Variants in SEL1L3 observed in about 807,000 individuals in gnomAD.
SEL1L3 encodes SEL1L family member 3.
SEL1L3 carries 76 observed loss-of-function variants against 142.8 expected under a neutral mutation model. The ratio of observed to expected loss-of-function variants is 0.53; its 90% CI spans 0.44 to 0.64. SEL1L3 has a LOEUF of 0.64. Among genes scored for constraint, SEL1L3 ranks in the 30% least tolerant of loss-of-function variants. The pLI is 0.00. For missense variants in SEL1L3, 1,262 were observed against 1,381.7 expected, an observed-to-expected ratio of 0.91 and a Z score of 1.37; for synonymous variants, 504 against 519.6, an observed-to-expected ratio of 0.97 and a Z score of 0.41.
At chr4:25,791,121 CA>C (rs1193669857) in intron 11 of SEL1L3, among the ~76,000 whole-genome samples, 7 of 152,228 alleles carry the variant, frequency 4.6e-5, no homozygotes, top group Non-Finnish European at 1.0e-4. Context: ...AGATTATACA[CA>C]TGCAAAATCA....
chr4:25,760,974 G>A (rs145104365), intron 20 of SEL1L3, among the ~76,000 whole-genome samples: 6 of 152,252 alleles, frequency 3.9e-5, no homozygotes, highest in South Asian at 2.1e-4. Flanking sequence ...GAGCTGGAGC[G>A]TCAAACACAA....
intron 11 of SEL1L3, among the ~76,000 whole-genome samples, chr4:25,798,069 C>A (rs1165344703): frequency 1.3e-5 from 2 of 152,118 alleles, no homozygotes; most frequent in Admixed American, 6.5e-5. Context: ...AACAGCCAGG[C>A]CTGGCCAAAA....
chr4:25,753,610 C>T (rs1161731685), intron 23 of SEL1L3, among the ~76,000 whole-genome samples: 1 of 152,222 alleles, frequency 6.6e-6, no homozygotes, highest in Non-Finnish European at 1.5e-5. Context: ...GCAGCTTCTC[C>T]TCACCTCCTC....
intron 11 of SEL1L3, among the ~76,000 whole-genome samples, chr4:25,799,614 G>A (rs1035556867): frequency 1.4e-4 from 22 of 152,152 alleles, no homozygotes; most frequent in Middle Eastern, 3.2e-3. Context: ...AGGGGTGCAC[G>A]TGGGGAGGAG....
the SEL1L3 span, among the ~76,000 whole-genome samples, chr4:25,732,462 A>G: frequency 2.0e-5 from 3 of 152,206 alleles, no homozygotes; most frequent in Non-Finnish European, 4.4e-5. Flanking sequence ...CATTTCCACC[A>G]ACAGTAAATG....
In SEL1L3 at chr4:25,804,554, C is replaced by T. The variant is rs766523244; in HGVS notation, c.1763G>A (p.Arg588Gln). 9 of 1,610,320 alleles carry T rather than the reference C, an allele frequency of 5.6e-6. No individual in the cohort carries two copies. The highest frequency in any genetic ancestry group is 1.7e-5 in the Admixed American group (1 of 59,566). ...VFYETGLNVP[R>Q]DQLQGMLYSL... ...GAAATACTCTACCTGCAGCTGATCC[C>T]GAGGAACATTTAATCCAGTCTCATA... is the stretch of plus-strand genomic sequence containing the variant. Residue 588 changes from arginine (R) to glutamine (Q), a missense_variant, in exon 10 of 24, where the codon CGG (arginine) becomes CAG (glutamine). By Grantham distance (43) the Arg-to-Gln change is conservative (BLOSUM62 1). Transcript: ENST00000399878.
At chr4:25,756,175 T>G in intron 23 of SEL1L3, 1 of 985,444 alleles carries the variant, frequency 1.0e-6, no homozygotes, top group East Asian at 1.1e-4. Flanking sequence ...TGTCCAGTCC[T>G]AATCTACCCA....
chr4:25,863,171 G>C (rs927317302), upstream of SEL1L3, among the ~76,000 whole-genome samples: 7 of 138,004 alleles, frequency 5.1e-5, no homozygotes, highest in African/African-American at 1.6e-4. Context: ...CACCGACCCG[G>C]GTCCCGCCCC....
Position 25,782,922 on chromosome 4 carries a change from A to G in SEL1L3, c.2281-504T>C, listed in dbSNP as rs1234568436. Among the ~76,000 whole-genome samples, 3 of 152,174 alleles carry G rather than the reference A, an allele frequency of 2.0e-5. No homozygotes were observed. In the East Asian group the frequency reaches 5.8e-4, roughly 29 times the overall value. The stretch of plus-strand genomic sequence containing the variant: ...CACAGCACAGGTGCTCTCTCTTTGC[A>G]TGGTTCTGACAGTGGGTTCAGGGTC... On this transcript the variant is annotated intron_variant, in intron 14 of 23. Coordinates refer to ENST00000399878, the MANE Select transcript of SEL1L3 (RefSeq NM_015187.5).
Position 25,757,676 on chromosome 4 carries a change from C to T in SEL1L3, c.3186+12G>A. Reference sequence around the variant, plus strand: ...GGCCACAAGGGTGGGGCCGGTGGGACATGAAACCTACCAGGGCTGAGTGCA... The same window carrying T: ...GGCCACAAGGGTGGGGCCGGTGGGATATGAAACCTACCAGGGCTGAGTGCA... On this transcript the variant is annotated intron_variant, in intron 22 of 23. Coordinates refer to ENST00000399878, the MANE Select transcript of SEL1L3 (RefSeq NM_015187.5). 2 of 1,577,886 alleles carry T rather than the reference C, an allele frequency of 1.3e-6. No homozygotes were observed. Among genetic ancestry groups the T allele is most frequent in the Non-Finnish European group, 1.7e-6 (2 of 1,162,092 alleles).
chr4:25,720,820 G>C, the SEL1L3 span: 1 of 152,174 alleles, frequency 6.6e-6, no homozygotes, highest in Admixed American at 6.5e-5. Flanking sequence ...TGAAGTATCT[G>C]CTTTTGACTA....
chr4:25,724,761 A>AAAAAAAAAAAAAAAAAAAAAAAAAT, the SEL1L3 span, among the ~76,000 whole-genome samples: 1 of 77,100 alleles, frequency 1.3e-5, no homozygotes, highest in Non-Finnish European at 3.3e-5. Flanking sequence ...AAAAAAAAAA[A>AAAAAAAAAAAAAAAAAAAAAAAAAT]AAAAAAAAAA....
downstream of SEL1L3, among the ~76,000 whole-genome samples, chr4:25,746,659 C>T (rs1201757105): frequency 6.7e-6 from 1 of 150,000 alleles, no homozygotes; most frequent in African/African-American, 2.4e-5. Flanking sequence ...GCCTCAGTCT[C>T]TCTTGCTCCT....
chr4:25,764,885 G>A (rs1056881027), intron 20 of SEL1L3, among the ~76,000 whole-genome samples: 2 of 152,138 alleles, frequency 1.3e-5, no homozygotes, highest in African/African-American at 2.4e-5. Context: ...TTGTTTGAGG[G>A]GCATGTGAAA....
chr4:25,747,581 C>CACAA lies in SEL1L3; in HGVS notation c.*843_*844insTTGT, dbSNP rs1190181531. The CACAA allele has an allele frequency of 6.6e-6, 1 of 151,428 alleles. No homozygotes were observed. The highest frequency in any genetic ancestry group is 1.5e-5 in the Non-Finnish European group (1 of 67,816). The allele number at this position is 151,428 out of a possible 1,614,324, so 9.4% of individuals were successfully genotyped here. A position where few individuals can be genotyped will look rare whatever the true frequency, so the allele number is the denominator to read the frequency against. Reference sequence around the variant, plus strand: ...CTGCTCTTCCTCTTCCTCTCTAACACACACACACACACACACACACACATA... The same window carrying CACAA: ...CTGCTCTTCCTCTTCCTCTCTAACACACAAACACACACACACACACACACACATA... On this transcript the variant is annotated 3_prime_UTR_variant, in exon 24 of 24. Coordinates refer to ENST00000399878, the MANE Select transcript of SEL1L3 (RefSeq NM_015187.5).
the SEL1L3 span, among the ~76,000 whole-genome samples, chr4:25,729,279 A>G: frequency 6.6e-6 from 1 of 152,208 alleles, no homozygotes; most frequent in Admixed American, 6.5e-5. Flanking sequence ...CTTTTGACAT[A>G]TAGACCTAAT....
At chr4:25,837,759 T>C (rs1715928632) in intron 2 of SEL1L3, among the ~76,000 whole-genome samples, 2 of 152,106 alleles carry the variant, frequency 1.3e-5, no homozygotes, top group South Asian at 2.1e-4. Context: ...CTGAATAACA[T>C]ATAGGATATG....
chr4:25,798,442 CA>C (rs142264293), intron 11 of SEL1L3, among the ~76,000 whole-genome samples: 3,044 of 152,318 alleles, frequency 0.02, 109 homozygotes, highest in African/African-American at 0.07. Context: ...GGATTCCGTG[CA>C]GAGATGTTCT....
At chr4:25,756,594 T>G (rs1295862999) in intron 23 of SEL1L3, 15 of 936,970 alleles carry the variant, frequency 1.6e-5, no homozygotes, top group Non-Finnish European at 1.8e-5. Context: ...TAACTTGCCA[T>G]GAGTCATACA....
Sources: allele counts gnomAD v4.1 joint callset (sites outside exome capture counted in the v4.1 genomes callset), GRCh38; gene constraint gnomAD v4.1.1; transcripts MANE v1.5; gene names NCBI Gene and HGNC (gene_info 2026-07-23, HGNC 2026-07-21).